The following ZNF266 variants were observed in gnomAD, a reference collection of about 807,000 sequenced individuals.
ZNF266 encodes the protein zinc finger protein 266.
In ZNF266, 16 loss-of-function variants were observed where a neutral mutation model predicts 16.4. The observed-to-expected ratio is 0.98, with a 90% CI of 0.66 to 1.48. ZNF266 has a LOEUF of 1.48. Ranked by LOEUF, ZNF266 falls within the 40% of genes most tolerant of loss-of-function variation. ZNF266 has a pLI of 0.00. For synonymous variants in ZNF266, 262 were observed against 237.9 expected, an observed-to-expected ratio of 1.10 and a Z score of -0.93; for missense variants, 738 against 689.1, an observed-to-expected ratio of 1.07 and a Z score of -0.79.
Position 9,415,646 on chromosome 19 carries a change from A to C in ZNF266, c.405+8T>G, listed in dbSNP as rs1036361102. The C allele has an allele frequency of 1.9e-6, 3 of 1,602,000 alleles. No homozygotes were observed. The highest frequency in any genetic ancestry group is 1.7e-4 in the Middle Eastern group (1 of 6,042). ...GTGAAAACTAAGACGTATCCTTGTT[A>C]ATCTTACCATTTGAATCCCACTGGA... On this transcript the variant is annotated splice_region_variant and intron_variant, in intron 10 of 10. Coordinates refer to ENST00000592904, the MANE Select transcript of ZNF266 (RefSeq NM_001370374.1).
Position 9,435,452 on chromosome 19 carries a change from C to A in ZNF266, c.-726G>T. 6.6e-6 allele frequency: 1 copy of A among 152,470 alleles called. No individual in the cohort carries two copies. Among genetic ancestry groups the A allele is most frequent in the South Asian group, 2.1e-4 (1 of 4,838 alleles). 9.4% of individuals were successfully genotyped at this position (152,470 alleles called of 1,614,324 possible). On this transcript the variant is annotated 5_prime_UTR_variant, in exon 1 of 11. Transcript: ENST00000592904. ...GCGGCCTGGGGCAAACCGGTACTTTCGCCACCCCTTCCACCGCTGGCTCCC... is the reference window on the plus strand; with the variant it reads ...GCGGCCTGGGGCAAACCGGTACTTTAGCCACCCCTTCCACCGCTGGCTCCC...
intron 5 of ZNF266, among the ~76,000 whole-genome samples, chr19:9,433,407 C>T (rs543659683): frequency 1.5e-4 from 22 of 151,622 alleles, no homozygotes; most frequent in African/African-American, 5.1e-4. Flanking sequence ...TTCAGGGAAA[C>T]GAAGGACTAA....
intron 7 of ZNF266, 184 bp from the exon 8 acceptor site, chr19:9,418,815 TTGTA>T: frequency 2.0e-6 from 1 of 490,442 alleles, no homozygotes; most frequent in Non-Finnish European, 3.7e-6. Context: ...TTACACATGA[TTGTA>T]TGTAACACAA....
intron 3 of ZNF266, among the ~76,000 whole-genome samples, chr19:9,434,470 G>A (rs1475798602): frequency 6.6e-6 from 1 of 152,118 alleles, no homozygotes; most frequent in Non-Finnish European, 1.5e-5. Flanking sequence ...ACACGGCACA[G>A]AATACAATCA....
intron 5 of ZNF266, among the ~76,000 whole-genome samples, chr19:9,421,407 G>A (rs2112528): frequency 0.56 from 85,464 of 152,076 alleles, 24,259 homozygotes; most frequent in Middle Eastern, 0.63. Flanking sequence ...AACTTGAAAT[G>A]TAATTAATGT....
At chr19:9,416,218 A>G (rs1312215966) in intron 9 of ZNF266, among the ~76,000 whole-genome samples, 1 of 152,198 alleles carries the variant, frequency 6.6e-6, no homozygotes, top group Non-Finnish European at 1.5e-5. Flanking sequence ...ATAAGGATAT[A>G]GCGTCAAAAT....
intron 5 of ZNF266, among the ~76,000 whole-genome samples, chr19:9,423,880 C>T (rs1568415978): frequency 3.9e-5 from 6 of 152,262 alleles, no homozygotes; most frequent in African/African-American, 1.4e-4. Context: ...GCCTGTAATC[C>T]TAGCTACTTG....
intron 5 of ZNF266, among the ~76,000 whole-genome samples, chr19:9,421,605 GAC>G (rs1490164604): frequency 6.6e-6 from 1 of 152,074 alleles, no homozygotes; most frequent in Non-Finnish European, 1.5e-5. Flanking sequence ...TCATTTAGCA[GAC>G]ACAACACTGG....
Position 9,414,569 on chromosome 19 carries a change from T to G in ZNF266, c.557A>C (p.His186Pro). Reference sequence around the variant, plus strand: ...TTGCTCTCCAGTAGAGGTTTTCTTGTGCAGAGTAAGGAAGTCTACTCCATA... The same window carrying G: ...TTGCTCTCCAGTAGAGGTTTTCTTGGGCAGAGTAAGGAAGTCTACTCCATA... The part of the protein sequence containing the change: ...YLYGVDFLTL[H>P]KKTSTGEQRS... Residue 186 changes from histidine to proline, a missense_variant, in exon 11 of 11, where the codon CAC becomes CCC. Physicochemically the swap from His to Pro is moderately conservative, Grantham distance 77. Transcript: ENST00000592904. 6.2e-7 allele frequency: 1 copy of G among 1,614,002 alleles called. No homozygotes were observed. Among genetic ancestry groups the G allele is most frequent in the South Asian group, 1.1e-5 (1 of 91,086 alleles).
At chr19:9,430,844 G>GT (rs1285993990) in intron 5 of ZNF266, among the ~76,000 whole-genome samples, 1 of 152,160 alleles carries the variant, frequency 6.6e-6, no homozygotes, top group Non-Finnish European at 1.5e-5. Context: ...CCCATGGACC[G>GT]TAACAAAGGC....
At chr19:9,426,257 G>A (rs187663897) in intron 5 of ZNF266, among the ~76,000 whole-genome samples, 6 of 152,184 alleles carry the variant, frequency 3.9e-5, no homozygotes, top group Admixed American at 2.0e-4. Flanking sequence ...CGGGACCACC[G>A]GGAGCTTGTC....
intron 5 of ZNF266, among the ~76,000 whole-genome samples, chr19:9,433,461 C>T (rs559155841): frequency 7.0e-4 from 107 of 152,180 alleles, no homozygotes; most frequent in African/African-American, 2.4e-3. Context: ...AAAAAAACAA[C>T]GAGAGAAGTT....
chr19:9,414,477 A>G lies in ZNF266; in HGVS notation c.649T>C (p.Cys217Arg), dbSNP rs1292401875. Residue 217 changes from cysteine to arginine, a missense_variant, in exon 11 of 11, where the codon TGC becomes CGC. Cys to Arg is a radical substitution (Grantham distance 180). Transcript: ENST00000592904. ...CAATCAAAAGCTTTCTCTCCTGTGC[A>G]CGTTCTCTGGCAAACAACATCTGGG... Reference protein sequence around the residue: ...LNPDVVCQRTCTGEKAFDCSD... With the variant: ...LNPDVVCQRTRTGEKAFDCSD... The G allele has an allele frequency of 1.2e-6, 2 of 1,614,080 alleles. No homozygotes were observed. Among genetic ancestry groups the G allele is most frequent in the Non-Finnish European group, 1.7e-6 (2 of 1,180,038 alleles).
At position 9,414,685 on chromosome 19, in the gene ZNF266, A is replaced by G. The variant is rs1458262555; in HGVS notation, c.441T>C (p.Val147=). 6.3e-7 allele frequency: 1 copy of G among 1,587,880 alleles called. No homozygotes were observed. Among genetic ancestry groups the G allele is most frequent in the Non-Finnish European group, 8.6e-7 (1 of 1,160,262 alleles). The change falls in exon 11 of 11, where the codon GTT becomes GTC. Residue 147 remains valine, a synonymous_variant. Coordinates refer to ENST00000592904, the MANE Select transcript of ZNF266 (RefSeq NM_001370374.1). ...CACTGGAGACATCTCCACATTGCTT[A>G]ACATCACTGACCTCCCCTCCGTTGT... ...GSHNGGEVSD[V]KQCGDVSSEH...
intron 5 of ZNF266, among the ~76,000 whole-genome samples, chr19:9,425,502 G>A (rs1442405322): frequency 6.6e-6 from 1 of 152,202 alleles, no homozygotes; most frequent in Non-Finnish European, 1.5e-5. Flanking sequence ...CAAAACAGAG[G>A]AAAATATATT....
At chr19:9,434,683 T>C (rs2072186866) in intron 3 of ZNF266, 115 bp downstream of exon 3, 1 of 152,180 alleles carries the variant, frequency 6.6e-6, no homozygotes, top group South Asian at 2.1e-4. Flanking sequence ...TTAACAACAT[T>C]TTAAATTTTC....
At chr19:9,433,428 A>G (rs2071943771) in intron 5 of ZNF266, among the ~76,000 whole-genome samples, 1 of 152,120 alleles carries the variant, frequency 6.6e-6, no homozygotes, top group African/African-American at 2.4e-5. Flanking sequence ...TTTAGGTAGG[A>G]GAAGGAACCC....
intron 5 of ZNF266, among the ~76,000 whole-genome samples, chr19:9,422,668 C>A (rs368069753): frequency 9.9e-5 from 15 of 152,170 alleles, no homozygotes; most frequent in African/African-American, 3.6e-4. Flanking sequence ...CTGCTTTCCC[C>A]GAGTCCAATG....
At chr19:9,417,404 AAC>A (rs2069202951) in intron 9 of ZNF266, among the ~76,000 whole-genome samples, 1 of 151,478 alleles carries the variant, frequency 6.6e-6, no homozygotes, top group South Asian at 2.1e-4. Context: ...TAATGGCCTC[AAC>A]ACTGTGAGAT....
Sources: allele counts gnomAD v4.1 joint callset (sites outside exome capture counted in the v4.1 genomes callset), GRCh38; gene constraint gnomAD v4.1.1; transcripts MANE v1.5; gene names NCBI Gene and HGNC (gene_info 2026-07-23, HGNC 2026-07-21).